Variants in HIVEP3 observed in about 807,000 individuals in gnomAD.
HIVEP3 encodes HIVEP zinc finger 3, also known as transcription factor HIVEP3.
HIVEP3 carries 49 observed loss-of-function variants against 152.8 expected under a neutral mutation model. That is an observed-to-expected ratio of 0.32 (90% CI 0.26 to 0.41). The LOEUF (loss-of-function observed/expected upper bound fraction) is 0.41, where lower values mean the gene tolerates loss of function less well. HIVEP3 is among the 10% of genes least tolerant of loss of function. HIVEP3 has a pLI of 1.00. For synonymous variants in HIVEP3, 1,269 were observed against 1,289.0 expected (o/e 0.98, Z 0.33); for missense variants, 2,790 against 3,103.3 (o/e 0.90, Z 2.40).
chr1:41,623,963 C>T (rs1174465155), intron 3 of HIVEP3, among the ~76,000 whole-genome samples: 1 of 152,208 alleles, frequency 6.6e-6, no homozygotes, highest in Admixed American at 6.5e-5. Flanking sequence ...TTGCTCCACG[C>T]TCTTCTGCAC....
intron 1 of HIVEP3, among the ~76,000 whole-genome samples, chr1:41,805,961 C>T (rs1650582758): frequency 6.6e-6 from 1 of 152,166 alleles, no homozygotes; most frequent in African/African-American, 2.4e-5. Flanking sequence ...CCTGATTCCC[C>T]CCACTCCCTC....
At chr1:41,587,071 C>T (rs1312151492) in intron 3 of HIVEP3, among the ~76,000 whole-genome samples, 1 of 151,906 alleles carries the variant, frequency 6.6e-6, no homozygotes. Context: ...GAGATTTGGT[C>T]CATTATGGAG....
chr1:42,022,251 C>A (rs540185832), intron 1 of HIVEP3, among the ~76,000 whole-genome samples: 1 of 152,264 alleles, frequency 6.6e-6, no homozygotes, highest in Admixed American at 6.5e-5. Flanking sequence ...CTTAAAGAAT[C>A]TATGCTTCTA....
chr1:41,986,438 C>CT (rs34078704), intron 1 of HIVEP3, among the ~76,000 whole-genome samples: 159 of 112,448 alleles, frequency 1.4e-3, no homozygotes, highest in South Asian at 3.2e-3. Context: ...TTGAATAGGA[C>CT]TTTTTTTTTT....
chr1:41,582,177 G>T lies in HIVEP3; in HGVS notation c.2621C>A (p.Pro874His), dbSNP rs1351144049. The T allele has an allele frequency of 6.2e-7, 1 of 1,613,886 alleles. No homozygotes were observed. Among genetic ancestry groups the T allele is most frequent in the East Asian group, 2.2e-5 (1 of 44,880 alleles). ...PDRPDTEPEP[P>H]PKEPEKTEEF... ...CTCAGTCTTCTCAGGTTCCTTAGGG[G>T]GCGGCTCTGGCTCTGTGTCCGGCCG... The change falls in exon 4 of 9, where the codon CCC (proline) becomes CAC (histidine). Residue 874 changes from proline to histidine, a missense_variant. By Grantham distance (77) the Pro-to-His change is moderately conservative. This residue lies in a region of HIVEP3 where 1,078 missense variants were observed against 1,165.3 expected (regional missense o/e 0.93). Coordinates refer to ENST00000372583, the MANE Select transcript of HIVEP3 (RefSeq NM_024503.5). This position sits in a 1 kb window ranked among gnomAD's most constrained non-coding sequence, Gnocchi z 4.7.
Position 41,583,003 on chromosome 1 carries a change from C to T in HIVEP3, c.1795G>A (p.Gly599Arg). The change falls in exon 4 of 9, where the codon GGG becomes AGG. Residue 599 changes from glycine (G) to arginine (R), a missense_variant. Coordinates refer to ENST00000372583, the MANE Select transcript of HIVEP3 (RefSeq NM_024503.5). This position sits in a 1 kb window ranked among gnomAD's most constrained non-coding sequence, Gnocchi z 6.9. ...RQPAIELPLG[G>R]EYSSEEPGPS... is the part of the protein sequence containing the mutation. ...CCAGGCTCCTCAGAACTGTATTCCC[C>T]TCCCAAAGGTAATTCGATTGCCGGC... The T allele has an allele frequency of 6.2e-7, 1 of 1,614,066 alleles. No individual in the cohort carries two copies. Among genetic ancestry groups the T allele is most frequent in the Non-Finnish European group, 8.5e-7 (1 of 1,180,020 alleles).
intron 1 of HIVEP3, among the ~76,000 whole-genome samples, chr1:41,840,350 G>A (rs577831401): frequency 2.6e-5 from 4 of 152,314 alleles, no homozygotes; most frequent in African/African-American, 9.6e-5. Flanking sequence ...TGGATTCACA[G>A]AGGGAGAAGG....
intron 2 of HIVEP3, among the ~76,000 whole-genome samples, chr1:41,667,748 G>C (rs1002971331): frequency 6.6e-6 from 1 of 152,138 alleles, no homozygotes; most frequent in Non-Finnish European, 1.5e-5. Context: ...TAAATTGGGA[G>C]AATAACACAT....
intron 1 of HIVEP3, among the ~76,000 whole-genome samples, chr1:41,832,492 C>T (rs1032965162): frequency 1.5e-4 from 23 of 152,210 alleles, no homozygotes; most frequent in Admixed American, 1.1e-3. Flanking sequence ...GATCATGCCA[C>T]TGCACTCCAG....
chr1:41,869,208 T>C (rs1644035155), intron 1 of HIVEP3, among the ~76,000 whole-genome samples: 1 of 152,138 alleles, frequency 6.6e-6, no homozygotes, highest in African/African-American at 2.4e-5. Context: ...CTAAAGACAA[T>C]GCTCATTAAT....
At chr1:41,699,714 C>A (rs1646332437) in intron 2 of HIVEP3, among the ~76,000 whole-genome samples, 1 of 152,134 alleles carries the variant, frequency 6.6e-6, no homozygotes. Flanking sequence ...ACAGACACTT[C>A]AGCACGGGGT....
intron 1 of HIVEP3, among the ~76,000 whole-genome samples, chr1:41,751,324 ATTTT>A (rs35864189): frequency 9.6e-5 from 10 of 104,560 alleles, no homozygotes; most frequent in Non-Finnish European, 1.4e-4. Context: ...ACTGACACAC[ATTTT>A]TTTTTTTTTT....
intron 1 of HIVEP3, among the ~76,000 whole-genome samples, chr1:42,004,747 T>G (rs1050821798): frequency 6.6e-6 from 1 of 152,208 alleles, no homozygotes; most frequent in African/African-American, 2.4e-5. Flanking sequence ...AGCAGCAGCA[T>G]CACCTGTGAA....
At chr1:41,655,038 A>G (rs904935076) in intron 2 of HIVEP3, among the ~76,000 whole-genome samples, 2 of 152,176 alleles carry the variant, frequency 1.3e-5, no homozygotes, top group African/African-American at 4.8e-5. Context: ...TGCAGCTATT[A>G]TTATTATTAA....
At chr1:41,870,163 A>G (rs1644053172) in intron 1 of HIVEP3, among the ~76,000 whole-genome samples, 1 of 152,086 alleles carries the variant, frequency 6.6e-6, no homozygotes, top group Non-Finnish European at 1.5e-5. Context: ...TGCAGGGGTG[A>G]CGGTCCCTCC....
chr1:41,795,970 T>C (rs1649959312), intron 1 of HIVEP3, among the ~76,000 whole-genome samples: 1 of 152,212 alleles, frequency 6.6e-6, no homozygotes, highest in Admixed American at 6.5e-5. Flanking sequence ...GAGAATGGTC[T>C]TTAGAGACTA....
intron 5 of HIVEP3, among the ~76,000 whole-genome samples, chr1:41,527,757 C>T (rs1277796854): frequency 6.9e-6 from 1 of 144,728 alleles, no homozygotes; most frequent in Non-Finnish European, 1.5e-5. Flanking sequence ...TCGCATTCAC[C>T]TTCACACTCC....
At chr1:41,778,836 A>G (rs114945069) in intron 1 of HIVEP3, among the ~76,000 whole-genome samples, 365 of 152,302 alleles carry the variant, frequency 2.4e-3, no homozygotes, top group African/African-American at 7.3e-3. Context: ...TGAGGGGTCT[A>G]TGTTACATCG....
At chr1:41,700,840 C>G in intron 2 of HIVEP3, 76 bp downstream of exon 2, 1 of 598,706 alleles carries the variant, frequency 1.7e-6, no homozygotes, top group South Asian at 7.4e-5. Context: ...TACCTCCTGG[C>G]CTCAAAACAC....
Sources: gnomAD v4.1 joint callset for allele counts (sites outside exome capture counted in the v4.1 genomes callset) on GRCh38, gnomAD v4.1.1 for gene constraint, gnomAD v4.1.1 regional missense constraint, Gnocchi (gnomAD v3.1) non-coding constraint, MANE v1.5 for transcripts, NCBI Gene and HGNC (gene_info 2026-07-23, HGNC 2026-07-21) for gene names.